CYTH4: variants seen among roughly 807,000 people sequenced by gnomAD.
The protein encoded by CYTH4 is cytohesin 4.
A neutral mutation model predicts 57.5 loss-of-function variants in CYTH4; 22 were observed. The observed-to-expected ratio is 0.38, with a 90% confidence interval of 0.27 to 0.55. The LOEUF is 0.55. Ranked by LOEUF, CYTH4 falls within the 20% of genes least tolerant of loss-of-function variation. The probability of loss-of-function intolerance (pLI) is 0.74; values close to 1 mark genes in which losing one functional copy is unlikely to be tolerated. For missense variants in CYTH4, 420 were observed against 535.6 expected (o/e 0.78, Z 2.13); for synonymous variants, 186 against 206.5 (o/e 0.90, Z 0.85).
At chr22:37,293,710 G>C (rs1371407976) in intron 2 of CYTH4, among the ~76,000 whole-genome samples, 1 of 152,274 alleles carries the variant, frequency 6.6e-6, no homozygotes, top group East Asian at 1.9e-4. Context: ...GCCTAATGGG[G>C]GTGCCGGCCA....
At chr22:37,303,001 T>TG (rs1929239112) in intron 7 of CYTH4, among the ~76,000 whole-genome samples, 1 of 151,788 alleles carries the variant, frequency 6.6e-6, no homozygotes, top group Non-Finnish European at 1.5e-5. Context: ...AGGGCAGGCC[T>TG]GGCAGGGGAT....
In CYTH4 at chr22:37,313,685, A is replaced by G; in HGVS notation, c.*174A>G. The stretch of plus-strand genomic sequence containing the variant: ...GGCAGAGCTCAGGAGGGTGGGTGGG[A>G]GCTGCAGTGGGCTCAGAGTCCAGCA... On this transcript the variant is annotated 3_prime_UTR_variant, in exon 13 of 13. Transcript: ENST00000248901. The G allele has an allele frequency of 3.1e-6, 2 of 648,606 alleles. No individual in the cohort carries two copies. Among genetic ancestry groups the G allele is most frequent in the South Asian group, 3.7e-5 (2 of 53,514 alleles). 40.2% of individuals were successfully genotyped at this position (648,606 alleles called of 1,614,324 possible).
chr22:37,312,199 C>T (rs1445875110), intron 12 of CYTH4, 25 bp downstream of exon 12: 6 of 1,605,696 alleles, frequency 3.7e-6, no homozygotes, highest in Middle Eastern at 1.7e-4. Flanking sequence ...GGTCTGGGGA[C>T]GGCTTCCCGT....
In CYTH4 at chr22:37,290,995, T is replaced by C. The variant is rs138034442; in HGVS notation, c.20-1626T>C. On this transcript the variant is annotated intron_variant, in intron 1 of 12. Transcript: ENST00000248901. ...AAGAGCCAGATGCACACAGCACCCA[T>C]TGCACACATGTGGGACTCAGCATAT... is the stretch of plus-strand genomic sequence containing the variant. Among the ~76,000 whole-genome samples the C allele has an allele frequency of 1.8e-4, 27 of 152,250 alleles. No individual in the cohort carries two copies. In the East Asian group the frequency reaches 4.8e-3, roughly 27 times the overall value.
At position 37,290,016 on chromosome 22, in the gene CYTH4, T is replaced by C. The variant is rs561851351; in HGVS notation, c.20-2605T>C. On this transcript the variant is annotated intron_variant, in intron 1 of 12. Coordinates refer to ENST00000248901, the MANE Select transcript of CYTH4 (RefSeq NM_013385.5). ...CTGTGGGGATGATGGGTCAGCTTCA[T>C]AAATTTCCAAATAGCTATTCCCACT... Among the ~76,000 whole-genome samples, 4 of 152,288 alleles carry C rather than the reference T, an allele frequency of 2.6e-5. No homozygotes were observed. The East Asian group carries it at 5.8e-4, about 22-fold the overall frequency.
chr22:37,309,775 C>G (rs1057030684), intron 9 of CYTH4, among the ~76,000 whole-genome samples: 1 of 152,166 alleles, frequency 6.6e-6, no homozygotes, highest in African/African-American at 2.4e-5. Flanking sequence ...TTTGAGGGCA[C>G]AGAGGGTTAG....
At chr22:37,303,156 C>T in intron 7 of CYTH4, 98 bp from the exon 8 acceptor site, 1 of 1,538,968 alleles carries the variant, frequency 6.5e-7, no homozygotes, top group Non-Finnish European at 8.7e-7. Context: ...GGTGGACCTT[C>T]GGGGCCTTGC....
intron 1 of CYTH4, among the ~76,000 whole-genome samples, chr22:37,286,142 G>A (rs1304845221): frequency 6.6e-6 from 1 of 152,148 alleles, no homozygotes; most frequent in Non-Finnish European, 1.5e-5. Context: ...TCTGCATCTT[G>A]CCTTTATTCT....
chr22:37,311,082 G>A lies in CYTH4; in HGVS notation c.885+18G>A, dbSNP rs949804879. 6.2e-7 allele frequency: 1 copy of A among 1,613,446 alleles called. No individual in the cohort carries two copies. Among genetic ancestry groups the A allele is most frequent in the Non-Finnish European group, 8.5e-7 (1 of 1,179,422 alleles). ...TCACCACTGTGAGCAGGGTTCTCCT[G>A]GGCCTTCCCCTGCCCCCGCCTCTCC... On this transcript the variant is annotated intron_variant, in intron 10 of 12. Coordinates refer to ENST00000248901, the MANE Select transcript of CYTH4 (RefSeq NM_013385.5). The surrounding 1 kb of genome is among the most constrained non-coding windows in gnomAD (Gnocchi z 4.4).
At chr22:37,290,730 G>A (rs1000728428) in intron 1 of CYTH4, among the ~76,000 whole-genome samples, 7 of 152,174 alleles carry the variant, frequency 4.6e-5, no homozygotes, top group Admixed American at 1.3e-4. Flanking sequence ...GGATGGTCTC[G>A]ATCTCCTGAC....
Position 37,295,987 on chromosome 22 carries a change from T to G in CYTH4, c.168-12T>G. The G allele has an allele frequency of 1.9e-6, 3 of 1,611,520 alleles. No homozygotes were observed. Among genetic ancestry groups the G allele is most frequent in the Non-Finnish European group, 2.5e-6 (3 of 1,178,728 alleles). ...CCTGGGGCAGCCCAAGCTGACGTCCTCATGTCCACAGCCGGATGGCCCAGA... is the reference window on the plus strand; with the variant it reads ...CCTGGGGCAGCCCAAGCTGACGTCCGCATGTCCACAGCCGGATGGCCCAGA... On this transcript the variant is annotated splice_polypyrimidine_tract_variant and intron_variant, in intron 3 of 12. Coordinates refer to ENST00000248901, the MANE Select transcript of CYTH4 (RefSeq NM_013385.5). The surrounding 1 kb of genome is among the most constrained non-coding windows in gnomAD (Gnocchi z 4.1).
chr22:37,291,431 T>TA (rs919218803), intron 1 of CYTH4, among the ~76,000 whole-genome samples: 2 of 152,202 alleles, frequency 1.3e-5, no homozygotes, highest in African/African-American at 4.8e-5. Flanking sequence ...TCTATCCTTG[T>TA]AAAACCTTTA....
rs778552994 is a variant in CYTH4 at position 37,311,371 on chromosome 22, T to C, written c.886-85T>C. ...AAGATGAGCACGCTCCTCTTTGAGT[T>C]TGGGGAACCCCACACGTTCACACCC... On this transcript the variant is annotated intron_variant, in intron 10 of 12. Transcript: ENST00000248901. This position sits in a 1 kb window ranked among gnomAD's most constrained non-coding sequence, Gnocchi z 4.4. The C allele has an allele frequency of 2.3e-5, 28 of 1,225,232 alleles. No homozygotes were observed. Among genetic ancestry groups the C allele is most frequent in the Non-Finnish European group, 2.8e-5 (23 of 832,788 alleles). 75.9% of individuals were successfully genotyped at this position (1,225,232 alleles called of 1,614,324 possible).
At chr22:37,300,379 T>G in intron 6 of CYTH4, 3 of 627,482 alleles carry the variant, frequency 4.8e-6, no homozygotes, top group Non-Finnish European at 8.6e-6. Flanking sequence ...CAGGACTGTG[T>G]GAAGCCCAGG....
intron 1 of CYTH4, among the ~76,000 whole-genome samples, chr22:37,283,253 C>T (rs750680117): frequency 2.0e-4 from 31 of 152,054 alleles, no homozygotes; most frequent in African/African-American, 7.2e-4. Context: ...GCTACTAAGA[C>T]AATGTGTCTG....
chr22:37,282,789 G>A (rs914451783), intron 1 of CYTH4, among the ~76,000 whole-genome samples: 10 of 152,218 alleles, frequency 6.6e-5, no homozygotes, highest in Non-Finnish European at 1.3e-4. Context: ...CAAAGCAGAC[G>A]CTGTTTCCCC....
At position 37,303,147 on chromosome 22, in the gene CYTH4, G is replaced by A. The variant is rs1929248010; in HGVS notation, c.548-107G>A. On this transcript the variant is annotated intron_variant, in intron 7 of 12. Coordinates refer to ENST00000248901, the MANE Select transcript of CYTH4 (RefSeq NM_013385.5). ...TCAAAGCCCAAGCCAGGAGGACAAG[G>A]TGGACCTTCGGGGCCTTGCAATGGC... The A allele has an allele frequency of 2.7e-6, 4 of 1,455,960 alleles. No homozygotes were observed. The East Asian group carries it at 1.0e-4, about 38-fold the overall frequency. 90.2% of individuals were successfully genotyped at this position (1,455,960 alleles called of 1,614,324 possible).
intron 8 of CYTH4, chr22:37,304,272 T>C: frequency 2.2e-6 from 1 of 456,548 alleles, no homozygotes; most frequent in Non-Finnish European, 4.4e-6. Flanking sequence ...AGGAGAGGTG[T>C]CCAGTGTGGC....
intron 1 of CYTH4, among the ~76,000 whole-genome samples, chr22:37,283,015 A>G (rs1248454981): frequency 6.6e-6 from 1 of 152,232 alleles, no homozygotes; most frequent in Non-Finnish European, 1.5e-5. Flanking sequence ...TCCAGCCAGA[A>G]GGAACAGCCA....
Sources: gnomAD v4.1 joint callset for allele counts (sites outside exome capture counted in the v4.1 genomes callset) on GRCh38, gnomAD v4.1.1 for gene constraint, Gnocchi (gnomAD v3.1) non-coding constraint, MANE v1.5 for transcripts, NCBI Gene and HGNC (gene_info 2026-07-23, HGNC 2026-07-21) for gene names.